IGF1R: variants seen among roughly 807,000 people sequenced by gnomAD.
IGF1R encodes insulin-like growth factor 1 receptor.
IGF1R carries 44 observed loss-of-function variants against 144.6 expected under a neutral mutation model. The observed-to-expected ratio is 0.30, with a 90% CI of 0.24 to 0.39. IGF1R has a LOEUF of 0.39. Ranked by LOEUF, IGF1R falls within the 10% of genes least tolerant of loss-of-function variation. IGF1R has a pLI of 1.00. For missense variants in IGF1R, 1,355 were observed against 1,833.7 expected (o/e 0.74, Z 4.77); for synonymous variants, 795 against 722.8 (o/e 1.10, Z -1.60).
chr15:98,848,533 T>G (rs2011422898), intron 2 of IGF1R, among the ~76,000 whole-genome samples: 1 of 152,196 alleles, frequency 6.6e-6, no homozygotes, highest in East Asian at 1.9e-4. Flanking sequence ...TTTCCTAACC[T>G]CTCTGAACCT....
intron 6 of IGF1R, among the ~76,000 whole-genome samples, chr15:98,909,800 A>G (rs2014921665): frequency 6.6e-6 from 1 of 152,236 alleles, no homozygotes; most frequent in Admixed American, 6.5e-5. Context: ...AGAACAATAT[A>G]ATTACAGCCT....
At chr15:98,728,820 A>T (rs534986820) in intron 2 of IGF1R, among the ~76,000 whole-genome samples, 26 of 152,362 alleles carry the variant, frequency 1.7e-4, no homozygotes, top group African/African-American at 5.8e-4. Flanking sequence ...TTATCCTATG[A>T]CAAGAAAGCT....
chr15:98,702,921 A>T (rs949721876), intron 1 of IGF1R, among the ~76,000 whole-genome samples: 2 of 152,188 alleles, frequency 1.3e-5, no homozygotes, highest in African/African-American at 4.8e-5. Flanking sequence ...TGGGTGACAG[A>T]GTGAGACCAC....
chr15:98,934,280 C>T (rs1464570024), intron 15 of IGF1R, among the ~76,000 whole-genome samples: 2 of 152,114 alleles, frequency 1.3e-5, no homozygotes, highest in Non-Finnish European at 1.5e-5. Context: ...TGGATTCATC[C>T]AAGAAGTAGG....
intron 2 of IGF1R, among the ~76,000 whole-genome samples, chr15:98,849,703 C>G (rs2011467871): frequency 6.6e-6 from 1 of 152,008 alleles, no homozygotes; most frequent in Admixed American, 6.5e-5. Flanking sequence ...AAACAGAGCT[C>G]CTAGAAATTG....
At chr15:98,775,821 T>G (rs1454561540) in intron 2 of IGF1R, among the ~76,000 whole-genome samples, 2 of 152,186 alleles carry the variant, frequency 1.3e-5, no homozygotes, top group Non-Finnish European at 2.9e-5. Context: ...ATGATGAGAA[T>G]TTGCATTTCT....
chr15:98,825,443 A>G (rs1161918520), intron 2 of IGF1R, among the ~76,000 whole-genome samples: 9 of 152,232 alleles, frequency 5.9e-5, no homozygotes, highest in Admixed American at 5.9e-4. Flanking sequence ...GTTAGGAACC[A>G]GGCTGCACAG....
At chr15:98,805,286 C>T (rs1444448362) in intron 2 of IGF1R, among the ~76,000 whole-genome samples, 2 of 152,160 alleles carry the variant, frequency 1.3e-5, no homozygotes, top group East Asian at 1.9e-4. Context: ...TCTTATTCTC[C>T]TCCCCATCCC....
At chr15:98,651,413 C>CTT (rs977562568) in intron 1 of IGF1R, among the ~76,000 whole-genome samples, 1 of 152,112 alleles carries the variant, frequency 6.6e-6, no homozygotes, top group Non-Finnish European at 1.5e-5. Context: ...TTCCGGCTCC[C>CTT]TTTACTAAGT....
intron 2 of IGF1R, among the ~76,000 whole-genome samples, chr15:98,825,355 C>T (rs2056874182): frequency 6.6e-6 from 1 of 152,194 alleles, no homozygotes; most frequent in South Asian, 2.1e-4. Context: ...TTGTGTATAG[C>T]CCATGCTCAT....
At chr15:98,721,272 CT>C (rs1375633501) in intron 2 of IGF1R, among the ~76,000 whole-genome samples, 1 of 152,218 alleles carries the variant, frequency 6.6e-6, no homozygotes, top group Non-Finnish European at 1.5e-5. Flanking sequence ...TTTCTCTGTA[CT>C]TTTTATCAGT....
intron 2 of IGF1R, among the ~76,000 whole-genome samples, chr15:98,770,273 C>G (rs891039577): frequency 6.6e-6 from 1 of 152,034 alleles, no homozygotes; most frequent in African/African-American, 2.4e-5. Flanking sequence ...CTCACGTATA[C>G]GTGGGAGCAA....
At chr15:98,877,513 T>TTTTC (rs773470156) in intron 2 of IGF1R, among the ~76,000 whole-genome samples, 5,226 of 110,526 alleles carry the variant, frequency 0.047, 130 homozygotes, top group East Asian at 0.12. Flanking sequence ...TTTTTTTTTT[T>TTTTC]CCCCAAAAAA....
chr15:98,956,922 A>G, intron 20 of IGF1R, 139 bp from the exon 21 acceptor site: 2 of 945,764 alleles, frequency 2.1e-6, no homozygotes, highest in South Asian at 2.8e-5. Flanking sequence ...AAAGCCAGGG[A>G]TGGAGAGGGG....
chr15:98,658,227 T>C (rs943964367), intron 1 of IGF1R, among the ~76,000 whole-genome samples: 3 of 152,224 alleles, frequency 2.0e-5, no homozygotes, highest in Non-Finnish European at 4.4e-5. Flanking sequence ...TAGCTGAGAA[T>C]GTTTTTCCTC....
At chr15:98,887,007 G>T (rs1346283660) in intron 2 of IGF1R, among the ~76,000 whole-genome samples, 2 of 152,130 alleles carry the variant, frequency 1.3e-5, no homozygotes, top group African/African-American at 4.8e-5. Flanking sequence ...ACATTCCATT[G>T]CTGCCCCCGC....
At chr15:98,668,729 C>G (rs539060811) in intron 1 of IGF1R, among the ~76,000 whole-genome samples, 29 of 152,286 alleles carry the variant, frequency 1.9e-4, no homozygotes, top group Non-Finnish European at 3.8e-4. Flanking sequence ...GTACATTCCT[C>G]CTCTCTCCCC....
intron 2 of IGF1R, among the ~76,000 whole-genome samples, chr15:98,845,577 CTCTCTCTTCTT>C (rs1202524242): frequency 7.0e-6 from 1 of 143,144 alleles, no homozygotes; most frequent in African/African-American, 2.6e-5. Context: ...CGTTTCTCTT[CTCTCTCTTCTT>C]TCTCTCTTCT....
intron 19 of IGF1R, among the ~76,000 whole-genome samples, chr15:98,945,037 C>T (rs906695799): frequency 1.3e-5 from 2 of 152,182 alleles, no homozygotes; most frequent in Non-Finnish European, 2.9e-5. Context: ...CATTCCCAGG[C>T]CCTTGGGCAC....
Sources: gnomAD v4.1 joint callset for allele counts (sites outside exome capture counted in the v4.1 genomes callset) on GRCh38, gnomAD v4.1.1 for gene constraint, MANE v1.5 for transcripts, NCBI Gene and HGNC (gene_info 2026-07-23, HGNC 2026-07-21) for gene names.